UBE3C: variants seen among roughly 807,000 people sequenced by gnomAD.
UBE3C encodes ubiquitin-protein ligase E3C.
UBE3C carries 42 observed loss-of-function variants against 129.4 expected under a neutral mutation model. The ratio of observed to expected loss-of-function variants is 0.32; its 90% confidence interval spans 0.25 to 0.42. UBE3C has a LOEUF of 0.42. UBE3C is among the 10% of genes least tolerant of loss of function. UBE3C has a pLI of 1.00. For synonymous variants in UBE3C, 510 were observed against 492.4 expected (o/e 1.04, Z -0.47); for missense variants, 1,049 against 1,319.1 (o/e 0.80, Z 3.17).
At chr7:157,211,924 A>G (rs987443283) in intron 13 of UBE3C, among the ~76,000 whole-genome samples, 1 of 152,238 alleles carries the variant, frequency 6.6e-6, no homozygotes, top group African/African-American at 2.4e-5. Flanking sequence ...GGAAGCACAC[A>G]GGAGAGAAGC....
intron 18 of UBE3C, among the ~76,000 whole-genome samples, chr7:157,233,112 T>TC (rs1287311857): frequency 2.6e-5 from 4 of 152,088 alleles, no homozygotes; most frequent in Non-Finnish European, 5.9e-5. Flanking sequence ...ATTTTTTTTT[T>TC]TCTAGACATT....
At chr7:157,238,992 C>T (rs1054409368) in intron 18 of UBE3C, among the ~76,000 whole-genome samples, 3 of 152,184 alleles carry the variant, frequency 2.0e-5, no homozygotes, top group Non-Finnish European at 4.4e-5. Context: ...TGTCATTTAG[C>T]ACTCTGGACA....
At chr7:157,237,337 A>T (rs1796178736) in intron 18 of UBE3C, among the ~76,000 whole-genome samples, 1 of 152,098 alleles carries the variant, frequency 6.6e-6, no homozygotes, top group Non-Finnish European at 1.5e-5. Flanking sequence ...GCTACTCAGG[A>T]GGCTGAGGCA....
intron 13 of UBE3C, among the ~76,000 whole-genome samples, chr7:157,212,464 A>G (rs899837877): frequency 6.6e-6 from 1 of 152,214 alleles, no homozygotes; most frequent in Non-Finnish European, 1.5e-5. Flanking sequence ...TAATATAGCT[A>G]GTGCGTAAGA....
At chr7:157,144,485 TTC>T (rs1807548403) in intron 1 of UBE3C, among the ~76,000 whole-genome samples, 1 of 152,058 alleles carries the variant, frequency 6.6e-6, no homozygotes, top group Admixed American at 6.5e-5. Context: ...TGGCATAACT[TTC>T]AGAGTCTTCG....
rs142506739 is a variant in UBE3C, at chr7:157,267,227, T to G, written c.3082-358T>G. Among the ~76,000 whole-genome samples the G allele has an allele frequency of 3.8e-3, 574 of 152,192 alleles. 4 individuals carry two copies. The highest frequency in any genetic ancestry group is 0.013 in the African/African-American group (554 of 41,536). On this transcript the variant is annotated intron_variant, in intron 22 of 22. Transcript: ENST00000348165. ...TCACAAAGTCAGGAGTTCAAGACCA[T>G]CCTGGCCAACGTGGTGAAACCCCTT... is the stretch of plus-strand genomic sequence containing the variant.
intron 1 of UBE3C, among the ~76,000 whole-genome samples, chr7:157,159,352 A>G (rs1808004719): frequency 6.6e-6 from 1 of 152,172 alleles, no homozygotes; most frequent in Non-Finnish European, 1.5e-5. Flanking sequence ...TTAGGATTAA[A>G]GGTCTCCATG....
At chr7:157,240,254 C>A (rs1487004918) in intron 18 of UBE3C, among the ~76,000 whole-genome samples, 1 of 152,124 alleles carries the variant, frequency 6.6e-6, no homozygotes, top group Non-Finnish European at 1.5e-5. Context: ...GGGGTTTCGC[C>A]ATGTTGGCCA....
chr7:157,250,950 A>G (rs1035192956), intron 19 of UBE3C, among the ~76,000 whole-genome samples: 1 of 152,264 alleles, frequency 6.6e-6, no homozygotes, highest in Non-Finnish European at 1.5e-5. Flanking sequence ...CAAGAATTCC[A>G]TTAAAGCACT....
At chr7:157,139,398 C>A in intron 1 of UBE3C, 60 bp downstream of exon 1, 9 of 749,748 alleles carry the variant, frequency 1.2e-5, no homozygotes, top group Non-Finnish European at 1.8e-5. Flanking sequence ...GGGCTCGGGG[C>A]TGGGACTCGG....
At chr7:157,164,156 C>A (rs1173267254) in intron 2 of UBE3C, among the ~76,000 whole-genome samples, 1 of 151,724 alleles carries the variant, frequency 6.6e-6, no homozygotes, top group Admixed American at 6.6e-5. Context: ...GTTCATATTT[C>A]TTTTTCTTCT....
intron 11 of UBE3C, among the ~76,000 whole-genome samples, chr7:157,206,824 T>C (rs1455347879): frequency 1.3e-5 from 2 of 152,194 alleles, no homozygotes; most frequent in African/African-American, 2.4e-5. Flanking sequence ...CCTTAGCTGC[T>C]GTGAAAGCAG....
At chr7:157,176,086 G>A (rs1208181318) in intron 5 of UBE3C, among the ~76,000 whole-genome samples, 1 of 152,048 alleles carries the variant, frequency 6.6e-6, no homozygotes, top group South Asian at 2.1e-4. Flanking sequence ...GAATGTATTT[G>A]TATAAGCAAA....
At chr7:157,217,491 A>G (rs1158189991) in intron 14 of UBE3C, among the ~76,000 whole-genome samples, 1 of 152,154 alleles carries the variant, frequency 6.6e-6, no homozygotes, top group Admixed American at 6.5e-5. Context: ...ACAAATTTGA[A>G]TATTACTAAT....
intron 1 of UBE3C, chr7:157,139,994 T>C: frequency 6.1e-6 from 6 of 985,452 alleles, no homozygotes; most frequent in Non-Finnish European, 7.2e-6. Flanking sequence ...ACATCTGTTG[T>C]GATCGACATT....
chr7:157,254,205 A>G, intron 20 of UBE3C, 39 bp from the exon 21 acceptor site: 1 of 1,607,498 alleles, frequency 6.2e-7, no homozygotes, highest in South Asian at 1.1e-5. Context: ...CTTTCTTAAA[A>G]TTTACCTCAA....
intron 4 of UBE3C, among the ~76,000 whole-genome samples, chr7:157,173,046 A>G (rs1808420402): frequency 6.6e-6 from 1 of 152,214 alleles, no homozygotes; most frequent in Non-Finnish European, 1.5e-5. Context: ...CTGAAATAGA[A>G]TTAAATGTCA....
At chr7:157,236,533 TAACA>T (rs1796157201) in intron 18 of UBE3C, among the ~76,000 whole-genome samples, 1 of 152,208 alleles carries the variant, frequency 6.6e-6, no homozygotes, top group Non-Finnish European at 1.5e-5. Flanking sequence ...TATTGGCACT[TAACA>T]GTTTATCTTG....
At chr7:157,255,951 T>C (rs546587921) in intron 21 of UBE3C, among the ~76,000 whole-genome samples, 54 of 152,278 alleles carry the variant, frequency 3.5e-4, no homozygotes, top group African/African-American at 1.3e-3. Context: ...AACACCCAGC[T>C]GTGTTAGTAC....
Sources: gnomAD v4.1 joint callset for allele counts (sites outside exome capture counted in the v4.1 genomes callset) on GRCh38, gnomAD v4.1.1 for gene constraint, MANE v1.5 for transcripts, NCBI Gene and HGNC (gene_info 2026-07-23, HGNC 2026-07-21) for gene names.